Variants in GABRG3 observed in about 807,000 individuals in gnomAD.
The protein encoded by GABRG3 is gamma-aminobutyric acid receptor subunit gamma-3.
GABRG3 carries 25 observed loss-of-function variants against 48.8 expected under a neutral mutation model. The observed-to-expected ratio is 0.51, with a 90% CI of 0.37 to 0.72. The LOEUF is 0.72. GABRG3 is among the 30% of genes least tolerant of loss of function. The probability of loss-of-function intolerance (pLI) is 0.00; values close to 1 mark genes in which losing one functional copy is unlikely to be tolerated. For synonymous variants in GABRG3, 227 were observed against 217.6 expected (o/e 1.04, Z -0.38); for missense variants, 394 against 577.9 (o/e 0.68, Z 3.26).
chr15:27,337,561 G>A (rs1894016603), intron 5 of GABRG3, among the ~76,000 whole-genome samples: 1 of 152,184 alleles, frequency 6.6e-6, no homozygotes, highest in Admixed American at 6.5e-5. Flanking sequence ...AGGCCACCGT[G>A]CTGCTGGAAA....
In GABRG3 at chr15:27,358,267, C is replaced by T. The variant is rs549751262; in HGVS notation, c.574+29379C>T. On this transcript the variant is annotated intron_variant, in intron 5 of 9. Transcript: ENST00000615808. Reference sequence around the variant, plus strand: ...AAATAACCATAGTTTGTTGCTCTTACGAGTGAAAATGCTATTTCATACACG... The same window carrying T: ...AAATAACCATAGTTTGTTGCTCTTATGAGTGAAAATGCTATTTCATACACG... Among the ~76,000 whole-genome samples the T allele has an allele frequency of 6.6e-5, 10 of 152,244 alleles. No homozygotes were observed. In the South Asian group the frequency reaches 2.1e-3, roughly 32 times the overall value.
chr15:27,421,170 G>T (rs1450615585), intron 5 of GABRG3, among the ~76,000 whole-genome samples: 1 of 152,140 alleles, frequency 6.6e-6, no homozygotes, highest in Non-Finnish European at 1.5e-5. Context: ...GATAGTTAAG[G>T]CCAAGAAGAA....
intron 2 of GABRG3, among the ~76,000 whole-genome samples, chr15:27,009,909 T>C (rs966277411): frequency 3.3e-5 from 5 of 152,118 alleles, no homozygotes; most frequent in Admixed American, 1.3e-4. Context: ...CTCTTCCTCC[T>C]TCTGCTTCTG....
chr15:27,505,934 T>C lies in GABRG3; in HGVS notation c.713-14038T>C, dbSNP rs540952112. Among the ~76,000 whole-genome samples the C allele has an allele frequency of 2.6e-4, 39 of 152,344 alleles. No individual in the cohort carries two copies. In the South Asian group the frequency reaches 7.7e-3, roughly 30 times the overall value. On this transcript the variant is annotated intron_variant, in intron 6 of 9. Coordinates refer to ENST00000615808, the MANE Select transcript of GABRG3 (RefSeq NM_033223.5). ...AGATTAAAATGTAACTTAATAGATA[T>C]AGGTTTATTCAGGTTATTTATTTCT... is the stretch of plus-strand genomic sequence containing the variant.
chr15:27,200,595 C>G (rs1029802773), intron 3 of GABRG3, among the ~76,000 whole-genome samples: 5 of 152,170 alleles, frequency 3.3e-5, no homozygotes, highest in South Asian at 2.1e-4. Flanking sequence ...TGACCCTTTT[C>G]ACCTCTTAGA....
intron 2 of GABRG3, among the ~76,000 whole-genome samples, chr15:27,018,649 A>ATT (rs1895823175): frequency 6.6e-6 from 1 of 152,176 alleles, no homozygotes; most frequent in East Asian, 1.9e-4. Context: ...TAAACCTTAT[A>ATT]TTTAAGGGTC....
At chr15:27,070,486 A>C (rs917549928) in intron 3 of GABRG3, among the ~76,000 whole-genome samples, 1 of 152,202 alleles carries the variant, frequency 6.6e-6, no homozygotes, top group South Asian at 2.1e-4. Flanking sequence ...TCTTGTGAAT[A>C]TAAGTTTCAC....
intron 5 of GABRG3, among the ~76,000 whole-genome samples, chr15:27,379,141 A>G (rs1316601237): frequency 9.2e-5 from 14 of 152,114 alleles, no homozygotes; most frequent in Admixed American, 6.5e-4. Flanking sequence ...CTTTGTTTCT[A>G]CCTTTTCTTT....
At chr15:27,326,763 C>T (rs1337025855) in intron 3 of GABRG3, 46 bp from the exon 4 acceptor site, 3 of 1,443,786 alleles carry the variant, frequency 2.1e-6, no homozygotes, top group African/African-American at 2.8e-5. Context: ...TTATACAGAA[C>T]ATTTATTAAT....
chr15:27,318,968 A>G (rs1277842982), intron 3 of GABRG3, among the ~76,000 whole-genome samples: 1 of 152,194 alleles, frequency 6.6e-6, no homozygotes, highest in Non-Finnish European at 1.5e-5. Context: ...TACAGCAGGG[A>G]GCCTATAGAT....
chr15:27,009,500 A>G (rs1384967558), intron 2 of GABRG3, among the ~76,000 whole-genome samples: 1 of 152,214 alleles, frequency 6.6e-6, no homozygotes, highest in Non-Finnish European at 1.5e-5. Context: ...GAAATTTGGG[A>G]AAGGCTGAGA....
chr15:27,193,105 G>A (rs994539143), intron 3 of GABRG3, among the ~76,000 whole-genome samples: 1 of 152,164 alleles, frequency 6.6e-6, no homozygotes, highest in Non-Finnish European at 1.5e-5. Flanking sequence ...ATCCGGCCGT[G>A]TGAGGTGTCA....
intron 3 of GABRG3, among the ~76,000 whole-genome samples, chr15:27,108,372 G>T (rs1487546742): frequency 2.0e-5 from 3 of 152,112 alleles, no homozygotes. Flanking sequence ...ATTAGTCATT[G>T]ATTTTTATTT....
At chr15:27,088,672 A>G (rs1444343609) in intron 3 of GABRG3, among the ~76,000 whole-genome samples, 1 of 152,094 alleles carries the variant, frequency 6.6e-6, no homozygotes, top group Non-Finnish European at 1.5e-5. Context: ...GCCAGGAGAG[A>G]GCGAGCACCT....
intron 3 of GABRG3, among the ~76,000 whole-genome samples, chr15:27,079,099 C>G (rs146246007): frequency 6.6e-6 from 1 of 152,100 alleles, no homozygotes; most frequent in African/African-American, 2.4e-5. Flanking sequence ...CCGTTTCCCC[C>G]AGACCCTGCA....
chr15:27,259,751 G>A (rs528495123), intron 3 of GABRG3, among the ~76,000 whole-genome samples: 13 of 152,206 alleles, frequency 8.5e-5, no homozygotes, highest in African/African-American at 2.9e-4. Context: ...GTATTAAATG[G>A]CACTTCATTT....
chr15:27,438,543 G>A (rs984237414), intron 5 of GABRG3, among the ~76,000 whole-genome samples: 1 of 152,188 alleles, frequency 6.6e-6, no homozygotes, highest in Non-Finnish European at 1.5e-5. Flanking sequence ...CTTGAGGCAG[G>A]GGAGGGCTGC....
intron 3 of GABRG3, among the ~76,000 whole-genome samples, chr15:27,279,727 A>AT (rs1891372562): frequency 1.3e-5 from 2 of 152,162 alleles, no homozygotes; most frequent in Admixed American, 6.5e-5. Flanking sequence ...TTCTCTTTAA[A>AT]AAATTTTTTT....
intron 5 of GABRG3, among the ~76,000 whole-genome samples, chr15:27,355,775 A>T (rs1444016606): frequency 1.3e-5 from 2 of 152,234 alleles, no homozygotes; most frequent in African/African-American, 4.8e-5. Flanking sequence ...CATACAATGA[A>T]TATTCTTCAG....
Sources: gnomAD v4.1 joint callset for allele counts (sites outside exome capture counted in the v4.1 genomes callset) on GRCh38, gnomAD v4.1.1 for gene constraint, MANE v1.5 for transcripts, NCBI Gene and HGNC (gene_info 2026-07-23, HGNC 2026-07-21) for gene names.